KCNJ12: variants seen among roughly 807,000 people sequenced by gnomAD.
KCNJ12 encodes the protein ATP-sensitive inward rectifier potassium channel 12.
A neutral mutation model predicts 22.3 loss-of-function variants in KCNJ12; 2 were observed. The observed-to-expected ratio is 0.09, with a 90% confidence interval of 0.04 to 0.28. The LOEUF is 0.28. Ranked by LOEUF, KCNJ12 falls within the 10% of genes least tolerant of loss-of-function variation. The pLI, the probability that KCNJ12 is intolerant of heterozygous loss-of-function variation, is 1.00. For missense variants in KCNJ12, 155 were observed against 633.3 expected (o/e 0.24, Z 8.11); for synonymous variants, 117 against 261.4 (o/e 0.45, Z 5.33).
chr17:21,379,192 G>A (rs1050540202), intron 1 of KCNJ12, among the ~76,000 whole-genome samples: 7 of 152,244 alleles, frequency 4.6e-5, no homozygotes, highest in Admixed American at 1.3e-4. Context: ...ACTGGGGCCG[G>A]TTCTGCCTAT....
chr17:21,411,147 A>G (rs1168720221), intron 2 of KCNJ12, among the ~76,000 whole-genome samples: 1 of 152,424 alleles, frequency 6.6e-6, no homozygotes, highest in South Asian at 2.1e-4. Flanking sequence ...CCCGGATGTC[A>G]CCGAAACCTG....
In KCNJ12 at chr17:21,395,861, C is replaced by G. The variant is rs115043396; in HGVS notation, c.-178-12658C>G. Among the ~76,000 whole-genome samples the G allele has an allele frequency of 9.6e-3, 1,458 of 152,276 alleles. 26 individuals carry two copies. The highest frequency in any genetic ancestry group is 0.033 in the African/African-American group (1,365 of 41,548). ...GGAGAGGGGAAGAGTATTTGGGGTT[C>G]AGCTGAGGCAGAGGAGTGGCTGGAG... On this transcript the variant is annotated intron_variant, in intron 1 of 2. Transcript: ENST00000583088.
At chr17:21,397,748 G>A (rs1905418562) in intron 1 of KCNJ12, among the ~76,000 whole-genome samples, 1 of 152,172 alleles carries the variant, frequency 6.6e-6, no homozygotes, top group Non-Finnish European at 1.5e-5. Context: ...ACCCCAAGCC[G>A]GAGAATCAGC....
intron 1 of KCNJ12, among the ~76,000 whole-genome samples, chr17:21,381,643 C>T (rs1381094691): frequency 2.0e-5 from 3 of 152,212 alleles, no homozygotes; most frequent in African/African-American, 4.8e-5. Flanking sequence ...ATGCCACCCT[C>T]TCTCCAGGAC....
intron 1 of KCNJ12, among the ~76,000 whole-genome samples, chr17:21,403,878 G>A (rs1905776777): frequency 6.6e-6 from 1 of 152,292 alleles, no homozygotes; most frequent in African/African-American, 2.4e-5. Context: ...ACACAGGAAG[G>A]GATGGAGACA....
At chr17:21,387,112 C>T (rs542831279) in intron 1 of KCNJ12, among the ~76,000 whole-genome samples, 78 of 151,678 alleles carry the variant, frequency 5.1e-4, no homozygotes, top group African/African-American at 1.9e-3. Flanking sequence ...GCGGAGATCG[C>T]GCCACTGCAT....
At chr17:21,396,939 G>A (rs1041436361) in intron 1 of KCNJ12, among the ~76,000 whole-genome samples, 2 of 152,308 alleles carry the variant, frequency 1.3e-5, no homozygotes, top group South Asian at 4.2e-4. Flanking sequence ...GTCTCCCAGG[G>A]CACAGATTGG....
chr17:21,411,466 T>C (rs1326356706), intron 2 of KCNJ12, among the ~76,000 whole-genome samples: 1 of 152,292 alleles, frequency 6.6e-6, no homozygotes, highest in Non-Finnish European at 1.5e-5. Context: ...GAAACCGCCT[T>C]GTCTAGCTCA....
chr17:21,391,745 C>G (rs1209531613), intron 1 of KCNJ12, among the ~76,000 whole-genome samples: 1 of 152,242 alleles, frequency 6.6e-6, no homozygotes, highest in Non-Finnish European at 1.5e-5. Context: ...CCCTTGGGGT[C>G]TGTGGGCACC....
At chr17:21,389,457 G>A (rs907120494) in intron 1 of KCNJ12, among the ~76,000 whole-genome samples, 4 of 152,228 alleles carry the variant, frequency 2.6e-5, no homozygotes, top group Non-Finnish European at 5.9e-5. Flanking sequence ...CCCTGGCTGA[G>A]CTCAGGCTTC....
In KCNJ12 at chr17:21,382,383, A is replaced by T. The variant is rs995318870; in HGVS notation, c.-179+5470A>T. On this transcript the variant is annotated intron_variant, in intron 1 of 2. Transcript: ENST00000583088. ...ACATGTTTGGAGGGCGGCTGAGGGG[A>T]TGGGGCTGGCAGGGAGGGGACAGTG... 2.0e-5 allele frequency among the ~76,000 whole-genome samples: 3 copies of T among 152,084 alleles called. No individual in the cohort carries two copies. The East Asian group carries it at 5.8e-4, about 29-fold the overall frequency.
intron 2 of KCNJ12, 56 bp downstream of exon 2, chr17:21,408,696 C>T (rs1278954495): frequency 1.0e-4 from 16 of 152,460 alleles, no homozygotes; most frequent in African/African-American, 3.6e-4. Context: ...TTCCACCAGA[C>T]TCTCATCTGT....
intron 1 of KCNJ12, among the ~76,000 whole-genome samples, chr17:21,402,399 G>A (rs1480133023): frequency 6.6e-6 from 1 of 152,300 alleles, no homozygotes; most frequent in Non-Finnish European, 1.5e-5. Context: ...CCCCAGGCAT[G>A]ATGTCAGCAC....
intron 1 of KCNJ12, among the ~76,000 whole-genome samples, chr17:21,389,494 A>G (rs1555559072): frequency 6.6e-6 from 1 of 152,188 alleles, no homozygotes; most frequent in East Asian, 1.9e-4. Flanking sequence ...CCTGTGTGAT[A>G]CCGCAGTTTG....
At chr17:21,399,731 G>A (rs1179341211) in intron 1 of KCNJ12, among the ~76,000 whole-genome samples, 2 of 152,190 alleles carry the variant, frequency 1.3e-5, no homozygotes, top group African/African-American at 2.4e-5. Context: ...CAGGGCCAAC[G>A]TGCGTGGTCA....
At chr17:21,380,618 A>G (rs1904831219) in intron 1 of KCNJ12, among the ~76,000 whole-genome samples, 1 of 148,732 alleles carries the variant, frequency 6.7e-6, no homozygotes, top group Non-Finnish European at 1.5e-5. Context: ...GGGGGTGGGG[A>G]GGGGCTGGTC....
chr17:21,377,674 TG>T (rs1380255913), intron 1 of KCNJ12, among the ~76,000 whole-genome samples: 1 of 152,126 alleles, frequency 6.6e-6, no homozygotes, highest in East Asian at 1.9e-4. Flanking sequence ...GGGCGCTCCT[TG>T]GGGGGTTCAG....
intron 2 of KCNJ12, among the ~76,000 whole-genome samples, chr17:21,414,433 C>G (rs868981395): frequency 6.6e-6 from 1 of 152,124 alleles, no homozygotes; most frequent in African/African-American, 2.4e-5. Context: ...TGAAATCGCA[C>G]CATTGCATTC....
chr17:21,398,766 CAT>C (rs1905469037), intron 1 of KCNJ12, among the ~76,000 whole-genome samples: 1 of 152,368 alleles, frequency 6.6e-6, no homozygotes, highest in Non-Finnish European at 1.5e-5. Flanking sequence ...TCGGTGTACA[CAT>C]GTGACATGTT....
Sources: gnomAD v4.1 joint callset for allele counts (sites outside exome capture counted in the v4.1 genomes callset) on GRCh38, gnomAD v4.1.1 for gene constraint, MANE v1.5 for transcripts, NCBI Gene and HGNC (gene_info 2026-07-23, HGNC 2026-07-21) for gene names.